ZNF624: variants seen among roughly 807,000 people sequenced by gnomAD.
ZNF624 encodes zinc finger protein 624.
In ZNF624, 43 loss-of-function variants were observed where a neutral mutation model predicts 74.7. The observed-to-expected ratio is 0.58, with a 90% CI of 0.45 to 0.74. The LOEUF (loss-of-function observed/expected upper bound fraction) is 0.74. Ranked by LOEUF, ZNF624 falls within the 30% of genes least tolerant of loss-of-function variation. The probability of loss-of-function intolerance (pLI) is 0.00; values close to 1 mark genes in which losing one functional copy is unlikely to be tolerated. For missense variants in ZNF624, 820 were observed against 1,030.0 expected, an observed-to-expected ratio of 0.80 and a Z score of 2.79; for synonymous variants, 331 against 341.3, an observed-to-expected ratio of 0.97 and a Z score of 0.33.
chr17:16,629,682 T>G (rs1909160776), intron 5 of ZNF624, among the ~76,000 whole-genome samples: 1 of 152,144 alleles, frequency 6.6e-6, no homozygotes, highest in African/African-American at 2.4e-5. Flanking sequence ...TTCTTGTGCC[T>G]CTGCCTTCCG....
chr17:16,633,586 T>C (rs1267062914), intron 5 of ZNF624, among the ~76,000 whole-genome samples: 3 of 152,154 alleles, frequency 2.0e-5, no homozygotes, highest in Non-Finnish European at 4.4e-5. Context: ...GGATATTTTA[T>C]GCAAGTTTGA....
intron 5 of ZNF624, among the ~76,000 whole-genome samples, chr17:16,630,137 A>G (rs527882501): frequency 6.6e-6 from 1 of 152,338 alleles, no homozygotes; most frequent in African/African-American, 2.4e-5. Flanking sequence ...CAGATTGTAC[A>G]TAAGACAGAA....
Position 16,624,305 on chromosome 17 carries a change from T to G in ZNF624, c.581A>C (p.Lys194Thr). 6.2e-7 allele frequency: 1 copy of G among 1,613,698 alleles called. No homozygotes were observed. Among genetic ancestry groups the G allele is most frequent in the Non-Finnish European group, 8.5e-7 (1 of 1,179,882 alleles). ...NHLSQRIIPL[K>T]KTPTSQRGFR... ...GCCTCTTTGACTAGTGGGAGTCTTC[T>G]TGAGTGGAATTATTCTTTGACTCAA... Residue 194 changes from lysine (K) to threonine (T), a missense_variant, in exon 6 of 6, where the codon AAG (lysine) becomes ACG (threonine). By Grantham distance (78) the Lys-to-Thr change is moderately conservative. Transcript: ENST00000311331.
chr17:16,641,414 C>T (rs1428220382), intron 3 of ZNF624, among the ~76,000 whole-genome samples: 2 of 152,130 alleles, frequency 1.3e-5, no homozygotes, highest in Admixed American at 6.5e-5. Flanking sequence ...TCCCAAGTAG[C>T]CGGGATTACA....
At position 16,622,335 on chromosome 17, in the gene ZNF624, G is replaced by A. The variant is rs1908936753; in HGVS notation, c.2551C>T (p.Leu851Phe). 2 of 1,608,482 alleles carry A rather than the reference G, an allele frequency of 1.2e-6. No individual in the cohort carries two copies. The highest frequency in any genetic ancestry group is 2.2e-5 in the East Asian group (1 of 44,858). ...CGKAFRSSSS[L>F]TVHQRIHQRE... ...TGATGTATTCTTTGATGTACAGTAA[G>A]GCTCGAACTACTCCTGAAGGCTTTT... The change falls in exon 6 of 6, where the codon CTT becomes TTT. Residue 851 changes from leucine (L) to phenylalanine (F), a missense_variant. Leu to Phe is a conservative substitution (Grantham distance 22). Coordinates refer to ENST00000311331, the MANE Select transcript of ZNF624 (RefSeq NM_020787.4).
intron 3 of ZNF624, among the ~76,000 whole-genome samples, chr17:16,644,806 G>A (rs1016559898): frequency 1.1e-4 from 16 of 152,112 alleles, no homozygotes; most frequent in Non-Finnish European, 1.6e-4. Context: ...ATAATTACCC[G>A]TTTTGAGCAA....
At chr17:16,631,830 C>T (rs771293298) in intron 5 of ZNF624, 8 of 152,156 alleles carry the variant, frequency 5.3e-5, no homozygotes, top group Non-Finnish European at 1.2e-4. Flanking sequence ...TGGCACATCA[C>T]TTCAGATCCA....
intron 3 of ZNF624, among the ~76,000 whole-genome samples, chr17:16,638,160 T>C (rs1401608052): frequency 6.6e-6 from 1 of 152,082 alleles, no homozygotes; most frequent in Non-Finnish European, 1.5e-5. Context: ...AAAACCACAA[T>C]GAGATACCAT....
chr17:16,649,735 G>T lies in ZNF624; in HGVS notation c.10C>A (p.Gln4Lys). 6.2e-7 allele frequency: 1 copy of T among 1,613,386 alleles called. No individual in the cohort carries two copies. Among genetic ancestry groups the T allele is most frequent in the Non-Finnish European group, 8.5e-7 (1 of 1,179,444 alleles). ...CCCTCTCTGGAAAGAGTGGAGTCTT[G>T]CAAAGACATACCTAAGGAAGAGAAA... MSL[Q>K]DSTLSREGKP... Residue 4 changes from glutamine (Q) to lysine (K), a missense_variant, in exon 2 of 6, where the codon CAA (glutamine) becomes AAA (lysine). Coordinates refer to ENST00000311331, the MANE Select transcript of ZNF624 (RefSeq NM_020787.4).
downstream of ZNF624, among the ~76,000 whole-genome samples, chr17:16,618,319 C>T (rs1240601872): frequency 1.3e-5 from 2 of 152,046 alleles, no homozygotes; most frequent in Non-Finnish European, 2.9e-5. Flanking sequence ...AACTCAAAAA[C>T]AAACAACAAC....
chr17:16,636,054 C>G (rs1051717022), intron 3 of ZNF624, among the ~76,000 whole-genome samples: 1 of 152,138 alleles, frequency 6.6e-6, no homozygotes, highest in Non-Finnish European at 1.5e-5. Context: ...CTATGAAAGA[C>G]TACTAGGGTC....
At chr17:16,644,218 T>C (rs917476817) in intron 3 of ZNF624, among the ~76,000 whole-genome samples, 2 of 152,194 alleles carry the variant, frequency 1.3e-5, no homozygotes, top group African/African-American at 4.8e-5. Context: ...CTTTTCTTTA[T>C]AAATTACCCA....
chr17:16,647,681 C>T (rs1909626453), intron 2 of ZNF624, among the ~76,000 whole-genome samples: 1 of 152,192 alleles, frequency 6.6e-6, no homozygotes, highest in African/African-American at 2.4e-5. Context: ...TCAGACACTA[C>T]ATAATTCTAC....
At chr17:16,614,471 A>C in the ZNF624 span, among the ~76,000 whole-genome samples, 64 of 152,322 alleles carry the variant, frequency 4.2e-4, no homozygotes, top group Non-Finnish European at 8.2e-4. Context: ...GAATTTACCA[A>C]AATGTACACA....
chr17:16,623,244 TGTG>T lies in ZNF624; in HGVS notation c.1639_1641del (p.His547del). The T allele has an allele frequency of 1.2e-6, 2 of 1,614,036 alleles. No homozygotes were observed. The highest frequency in any genetic ancestry group is 1.7e-6 in the Non-Finnish European group (2 of 1,179,928). ...TAAGGTTTCTCTCCTGTATGCATTC[TGTG>T]GTGTACAGTAAGGCATGAATAATTA... On this transcript the variant is annotated inframe_deletion, in exon 6 of 6. Transcript: ENST00000311331. This position sits in a 1 kb window ranked among gnomAD's most constrained non-coding sequence, Gnocchi z 5.3.
chr17:16,646,335 C>T (rs987711075), intron 3 of ZNF624, among the ~76,000 whole-genome samples: 7 of 152,104 alleles, frequency 4.6e-5, no homozygotes, highest in African/African-American at 1.2e-4. Context: ...TTCAAAAATA[C>T]TATGTATAAA....
chr17:16,638,358 G>A (rs1253784125), intron 3 of ZNF624, among the ~76,000 whole-genome samples: 1 of 152,112 alleles, frequency 6.6e-6, no homozygotes, highest in Non-Finnish European at 1.5e-5. Flanking sequence ...GCCATCCCAT[G>A]ACTGGGTATA....
downstream of ZNF624, among the ~76,000 whole-genome samples, chr17:16,619,725 C>A (rs1908863023): frequency 1.3e-5 from 2 of 152,226 alleles, no homozygotes; most frequent in Non-Finnish European, 2.9e-5. Flanking sequence ...CCAACCCCTT[C>A]CCCAATGGAT....
Position 16,622,219 on chromosome 17 carries a change from T to C in ZNF624, c.*69A>G, listed in dbSNP as rs75884483. The C allele has an allele frequency of 7.3e-3, 9,047 of 1,237,204 alleles. 531 individuals carry two copies. The African/African-American group carries it at 0.12, about 17-fold the overall frequency. 76.6% of individuals were successfully genotyped at this position (1,237,204 alleles called of 1,614,324 possible). The stretch of plus-strand genomic sequence containing the variant: ...TAAATTCCTAATGAAGATTTTCCTA[T>C]ATTCATAAAATATAGTTTATAAGAT... On this transcript the variant is annotated 3_prime_UTR_variant, in exon 6 of 6. Transcript: ENST00000311331.
Sources: gnomAD v4.1 joint callset for allele counts (sites outside exome capture counted in the v4.1 genomes callset) on GRCh38, gnomAD v4.1.1 for gene constraint, Gnocchi (gnomAD v3.1) non-coding constraint, MANE v1.5 for transcripts, NCBI Gene and HGNC (gene_info 2026-07-23, HGNC 2026-07-21) for gene names.